KCNIP4: variants seen among roughly 807,000 people sequenced by gnomAD.
KCNIP4 encodes the protein potassium voltage-gated channel interacting protein 4, also known as Kv channel-interacting protein 4.
A neutral mutation model predicts 34.0 loss-of-function variants in KCNIP4; 12 were observed. The observed-to-expected ratio is 0.35, with a 90% CI of 0.23 to 0.57. KCNIP4 has a LOEUF of 0.57. Among genes scored for constraint, KCNIP4 ranks in the 20% least tolerant of loss-of-function variants. The pLI, the probability that KCNIP4 is intolerant of heterozygous loss-of-function variation, is 0.83. For synonymous variants in KCNIP4, 124 were observed against 102.2 expected (o/e 1.21, Z -1.29); for missense variants, 238 against 311.7 (o/e 0.76, Z 1.78).
At chr4:21,413,476 T>A (rs1724685141) in intron 1 of KCNIP4, among the ~76,000 whole-genome samples, 1 of 152,210 alleles carries the variant, frequency 6.6e-6, no homozygotes, top group Non-Finnish European at 1.5e-5. Context: ...AAAATTTAAC[T>A]CCCTTTGTAA....
At position 20,768,455 on chromosome 4, in the gene KCNIP4, T is replaced by C. The variant is rs141965434; in HGVS notation, c.289-9565A>G. 4.9e-3 allele frequency among the ~76,000 whole-genome samples: 750 copies of C among 152,270 alleles called. 9 individuals carry two copies. Among genetic ancestry groups the C allele is most frequent in the South Asian group, 0.04 (194 of 4,824 alleles). ...AAGCTTAACATAGTCAAAAATTGGA[T>C]TCTAAAAAGCTCATTTAAAAATTAT... On this transcript the variant is annotated intron_variant, in intron 3 of 8. Coordinates refer to ENST00000382152, the MANE Select transcript of KCNIP4 (RefSeq NM_025221.6).
intron 1 of KCNIP4, among the ~76,000 whole-genome samples, chr4:21,575,636 A>C (rs1226285775): frequency 6.6e-6 from 1 of 152,106 alleles, no homozygotes; most frequent in Non-Finnish European, 1.5e-5. Context: ...AAGATTCTAC[A>C]TTCATCTCTG....
chr4:21,884,334 T>C (rs1726636236), intron 1 of KCNIP4, among the ~76,000 whole-genome samples: 1 of 152,046 alleles, frequency 6.6e-6, no homozygotes, highest in African/African-American at 2.4e-5. Flanking sequence ...TTCTGAGTGC[T>C]ACAATGCCCA....
intron 1 of KCNIP4, among the ~76,000 whole-genome samples, chr4:20,905,997 C>T (rs1034045974): frequency 9.9e-5 from 15 of 152,026 alleles, no homozygotes; most frequent in East Asian, 7.8e-4. Flanking sequence ...CCACCACTAA[C>T]GGGTCAATTT....
intron 1 of KCNIP4, among the ~76,000 whole-genome samples, chr4:21,262,244 C>G (rs192566017): frequency 1.2e-3 from 176 of 152,214 alleles, no homozygotes; most frequent in African/African-American, 3.8e-3. Context: ...CAGATACCAC[C>G]CCTCCACACC....
intron 1 of KCNIP4, among the ~76,000 whole-genome samples, chr4:21,365,449 G>A (rs1481286799): frequency 1.4e-5 from 2 of 147,814 alleles, no homozygotes; most frequent in Admixed American, 6.9e-5. Context: ...CTGCACTCCA[G>A]CCTGGATAAC....
At chr4:21,023,391 C>T (rs547083960) in intron 1 of KCNIP4, among the ~76,000 whole-genome samples, 6 of 152,104 alleles carry the variant, frequency 3.9e-5, no homozygotes, top group African/African-American at 1.4e-4. Flanking sequence ...AGACAACCCA[C>T]AAAATGGGGA....
At chr4:21,858,579 G>C (rs111955970) in intron 1 of KCNIP4, among the ~76,000 whole-genome samples, 1 of 152,092 alleles carries the variant, frequency 6.6e-6, no homozygotes, top group Admixed American at 6.5e-5. Flanking sequence ...AACTCAAAAG[G>C]TTCACTGTAA....
chr4:21,096,470 C>G (rs1402857021), intron 1 of KCNIP4, among the ~76,000 whole-genome samples: 1 of 152,100 alleles, frequency 6.6e-6, no homozygotes, highest in Non-Finnish European at 1.5e-5. Context: ...CAAGCTATAC[C>G]TACTTTAGGG....
intron 1 of KCNIP4, among the ~76,000 whole-genome samples, chr4:21,334,700 T>A (rs1465101215): frequency 6.6e-6 from 1 of 152,026 alleles, no homozygotes; most frequent in East Asian, 1.9e-4. Context: ...AGGCAAACAC[T>A]AGTCTACATT....
In KCNIP4 at chr4:21,947,111, A is replaced by G. The variant is rs553272432; in HGVS notation, c.61+1460T>C. 3.8e-3 allele frequency among the ~76,000 whole-genome samples: 577 copies of G among 152,286 alleles called. 2 individuals carry two copies. Among genetic ancestry groups the G allele is most frequent in the African/African-American group, 0.013 (538 of 41,560 alleles). ...TGAGTTCCCTGGGCTGCCGTGTGTG[A>G]ATGTGTCTCTAATAGGACAGCGCTA... On this transcript the variant is annotated intron_variant, in intron 1 of 8. Transcript: ENST00000382152.
chr4:20,820,018 T>C (rs1716908980), intron 3 of KCNIP4, among the ~76,000 whole-genome samples: 1 of 152,186 alleles, frequency 6.6e-6, no homozygotes, highest in African/African-American at 2.4e-5. Flanking sequence ...TGTTAACAAA[T>C]ATATAAAATT....
chr4:21,455,524 T>C (rs1301412878), intron 1 of KCNIP4, among the ~76,000 whole-genome samples: 1 of 151,624 alleles, frequency 6.6e-6, no homozygotes, highest in Non-Finnish European at 1.5e-5. Flanking sequence ...ACAACAGATA[T>C]ATAGATGACA....
At chr4:21,064,345 T>G (rs75599806) in intron 1 of KCNIP4, among the ~76,000 whole-genome samples, 46 of 152,212 alleles carry the variant, frequency 3.0e-4, no homozygotes, top group African/African-American at 9.9e-4. Context: ...AGGGAATGCT[T>G]TATGATTATT....
At position 21,636,847 on chromosome 4, in the gene KCNIP4, G is replaced by GCA. The variant is rs538117195; in HGVS notation, c.61+311722_61+311723dup. The stretch of plus-strand genomic sequence containing the variant: ...CTTAACACAAAGCAATAGCAACTGG[G>GCA]CAATTCGACAGAATTGTGAATCCAC... On this transcript the variant is annotated intron_variant, in intron 1 of 8. Coordinates refer to ENST00000382152, the MANE Select transcript of KCNIP4 (RefSeq NM_025221.6). Among the ~76,000 whole-genome samples the GCA allele has an allele frequency of 6.6e-5, 10 of 152,256 alleles. No individual in the cohort carries two copies. The East Asian group carries it at 1.7e-3, about 26-fold the overall frequency.
chr4:21,488,986 A>C (rs868832418), intron 1 of KCNIP4, among the ~76,000 whole-genome samples: 5 of 152,156 alleles, frequency 3.3e-5, no homozygotes, highest in African/African-American at 1.2e-4. Context: ...TAAGAAAATA[A>C]TTTAAGAGGA....
At chr4:21,482,753 T>A (rs1731545406) in intron 1 of KCNIP4, among the ~76,000 whole-genome samples, 3 of 152,124 alleles carry the variant, frequency 2.0e-5, no homozygotes, top group African/African-American at 7.2e-5. Flanking sequence ...CATTTTTTCC[T>A]TCATTTCAAC....
At chr4:21,246,817 G>A (rs1760238080) in intron 1 of KCNIP4, among the ~76,000 whole-genome samples, 1 of 152,018 alleles carries the variant, frequency 6.6e-6, no homozygotes, top group Non-Finnish European at 1.5e-5. Context: ...ATGTAAAATT[G>A]GACCTAATTT....
At chr4:21,146,442 A>T (rs577826311) in intron 1 of KCNIP4, among the ~76,000 whole-genome samples, 2 of 152,296 alleles carry the variant, frequency 1.3e-5, no homozygotes, top group South Asian at 4.1e-4. Flanking sequence ...AATTATTCAG[A>T]TTCTACTGGC....
Sources: gnomAD v4.1 joint callset for allele counts (sites outside exome capture counted in the v4.1 genomes callset) on GRCh38, gnomAD v4.1.1 for gene constraint, MANE v1.5 for transcripts, NCBI Gene and HGNC (gene_info 2026-07-23, HGNC 2026-07-21) for gene names.